HPCAL1: variants seen among roughly 807,000 people sequenced by gnomAD.
HPCAL1 encodes hippocalcin like 1.
A neutral mutation model predicts 17.1 loss-of-function variants in HPCAL1; 8 were observed. The ratio of observed to expected loss-of-function variants is 0.47; its 90% CI spans 0.27 to 0.84. The LOEUF (loss-of-function observed/expected upper bound fraction) is 0.84, where lower values mean the gene tolerates loss of function less well. Among genes scored for constraint, HPCAL1 ranks in the 40% least tolerant of loss-of-function variants. The probability of loss-of-function intolerance (pLI) is 0.13; values close to 1 mark genes in which losing one functional copy is unlikely to be tolerated. For missense variants in HPCAL1, 165 were observed against 271.1 expected (o/e 0.61, Z 2.75); for synonymous variants, 112 against 111.4 (o/e 1.01, Z -0.03).
intron 1 of HPCAL1, among the ~76,000 whole-genome samples, chr2:10,324,083 C>T (rs925248360): frequency 1.4e-4 from 21 of 152,186 alleles, no homozygotes; most frequent in African/African-American, 5.1e-4. Flanking sequence ...TGCTGTTTTC[C>T]AGGGTCCCAC....
intron 2 of HPCAL1, among the ~76,000 whole-genome samples, chr2:10,404,669 G>A (rs1669865390): frequency 6.6e-6 from 1 of 152,172 alleles, no homozygotes; most frequent in Non-Finnish European, 1.5e-5. Context: ...GGCAGTTCTT[G>A]CATCTTGGAC....
At chr2:10,408,742 T>C (rs1274634922) in intron 2 of HPCAL1, 1 of 152,204 alleles carries the variant, frequency 6.6e-6, no homozygotes, top group Non-Finnish European at 1.5e-5. Flanking sequence ...CAGGTAATTA[T>C]GAAATACAAA....
intron 2 of HPCAL1, among the ~76,000 whole-genome samples, chr2:10,402,043 G>A (rs941435850): frequency 1.7e-4 from 26 of 152,188 alleles, no homozygotes; most frequent in Non-Finnish European, 2.6e-4. Context: ...GGGATTACAG[G>A]CGCGCACCAC....
chr2:10,379,180 T>G (rs928629513), intron 1 of HPCAL1, among the ~76,000 whole-genome samples: 1 of 151,812 alleles, frequency 6.6e-6, no homozygotes, highest in Non-Finnish European at 1.5e-5. Context: ...AATATAAAAA[T>G]TTGTCCACCT....
rs1666950440 is a variant in HPCAL1, at chr2:10,367,985, T to G, written c.-110-28850T>G. Among the ~76,000 whole-genome samples, 3 of 151,468 alleles carry G rather than the reference T, an allele frequency of 2.0e-5. 1 individual carries two copies. The South Asian group carries it at 6.3e-4, about 32-fold the overall frequency. ...GTGTGTGCATGTGTGTATATACCTG[T>G]GTAGGTGTGTATGTGTGTACATGTG... On this transcript the variant is annotated intron_variant, in intron 1 of 4. Transcript: ENST00000307845. The surrounding 1 kb of genome is among the most constrained non-coding windows in gnomAD (Gnocchi z 4.4).
chr2:10,375,418 A>G (rs1473060054), intron 1 of HPCAL1, among the ~76,000 whole-genome samples: 1 of 152,098 alleles, frequency 6.6e-6, no homozygotes, highest in Non-Finnish European at 1.5e-5. Context: ...TCAGCTGCGG[A>G]GCAACAGCTC....
chr2:10,374,341 A>T (rs1377642855), intron 1 of HPCAL1, among the ~76,000 whole-genome samples: 1 of 151,018 alleles, frequency 6.6e-6, no homozygotes, highest in Non-Finnish European at 1.5e-5. Flanking sequence ...TCGCCTTCTC[A>T]CACAGTCACA....
rs1665190532 is a variant in HPCAL1 at position 10,342,953 on chromosome 2, ATG to A, written c.-111+39777_-111+39778del. Reference sequence around the variant, plus strand: ...TGCTCCCTGGGGCCTGGCTTTGGAGATGGCCAGTGCTGGTTTGAAGCTTCTGT... The same window carrying A: ...TGCTCCCTGGGGCCTGGCTTTGGAGAGCCAGTGCTGGTTTGAAGCTTCTGT... On this transcript the variant is annotated intron_variant, in intron 1 of 4. Coordinates refer to ENST00000307845, the MANE Select transcript of HPCAL1 (RefSeq NM_002149.4). This position sits in a 1 kb window ranked among gnomAD's most constrained non-coding sequence, Gnocchi z 4.1. Among the ~76,000 whole-genome samples, 2 of 151,996 alleles carry A rather than the reference ATG, an allele frequency of 1.3e-5. No homozygotes were observed. Among genetic ancestry groups the A allele is most frequent in the Non-Finnish European group, 2.9e-5 (2 of 68,008 alleles).
At chr2:10,418,466 AAAAAAC>A (rs1372099778) in intron 2 of HPCAL1, among the ~76,000 whole-genome samples, 3 of 151,056 alleles carry the variant, frequency 2.0e-5, no homozygotes, top group Non-Finnish European at 4.4e-5. Context: ...AAAAAAAAAA[AAAAAAC>A]AACCCTGGGA....
chr2:10,371,335 C>T (rs1667192172), intron 1 of HPCAL1, among the ~76,000 whole-genome samples: 1 of 150,346 alleles, frequency 6.7e-6, no homozygotes, highest in Non-Finnish European at 1.5e-5. Flanking sequence ...CGTCTTTTAC[C>T]CTCTTCTGGC....
chr2:10,317,666 C>T (rs1460432188), intron 1 of HPCAL1, among the ~76,000 whole-genome samples: 1 of 152,224 alleles, frequency 6.6e-6, no homozygotes, highest in Non-Finnish European at 1.5e-5. Flanking sequence ...GATCCACCCA[C>T]CTTGGCTTCC....
At chr2:10,353,611 AGGCTGGAGTGCAGTGACATGATCAG>A (rs2125468917) in intron 1 of HPCAL1, among the ~76,000 whole-genome samples, 1 of 152,346 alleles carries the variant, frequency 6.6e-6, no homozygotes, top group African/African-American at 2.4e-5. Context: ...TCTCTCACCC[AGGCTGGAGTGCAGTGACATGATCAG>A]GGCTCACTGC....
chr2:10,415,458 G>T (rs1670600663), intron 2 of HPCAL1, among the ~76,000 whole-genome samples: 1 of 152,110 alleles, frequency 6.6e-6, no homozygotes, highest in African/African-American at 2.4e-5. Context: ...CAGTTTGGGG[G>T]TTCTCTGGGG....
At position 10,304,701 on chromosome 2, in the gene HPCAL1, C is replaced by T. The variant is rs1662506581; in HGVS notation, c.-111+1524C>T. Among the ~76,000 whole-genome samples the T allele has an allele frequency of 6.6e-6, 1 of 152,254 alleles. No individual in the cohort carries two copies. The highest frequency in any genetic ancestry group is 6.5e-5 in the Admixed American group (1 of 15,288). The stretch of plus-strand genomic sequence containing the variant: ...CGCCTCGGCGCTGGCTCGGACGCAG[C>T]AAGGCCAGCTCTAGGGGTCGGGTGG... On this transcript the variant is annotated intron_variant, in intron 1 of 4. Coordinates refer to ENST00000307845, the MANE Select transcript of HPCAL1 (RefSeq NM_002149.4). The surrounding 1 kb of genome is among the most constrained non-coding windows in gnomAD (Gnocchi z 4.1).
chr2:10,332,785 G>T lies in HPCAL1; in HGVS notation c.-111+29608G>T, dbSNP rs115048831. ...GGGATTCTTGCCAAAGGCAGGGGGG[G>T]ACTTTGATGTCAAAGGTGGGGATGA... On this transcript the variant is annotated intron_variant, in intron 1 of 4. Coordinates refer to ENST00000307845, the MANE Select transcript of HPCAL1 (RefSeq NM_002149.4). Among the ~76,000 whole-genome samples, 515 of 152,220 alleles carry T rather than the reference G, an allele frequency of 3.4e-3. 5 individuals carry two copies. Among genetic ancestry groups the T allele is most frequent in the African/African-American group, 0.012 (492 of 41,526 alleles).
rs755013365 is a variant in HPCAL1 at position 10,420,061 on chromosome 2, A to G, written c.304A>G (p.Lys102Glu). 1.2e-6 allele frequency: 2 copies of G among 1,613,798 alleles called. No individual in the cohort carries two copies. Among genetic ancestry groups the G allele is most frequent in the Non-Finnish European group, 1.7e-6 (2 of 1,180,006 alleles). Residue 102 changes from lysine to glutamate, a missense_variant, in exon 3 of 5, where the codon AAG becomes GAG. Lys to Glu is a moderately conservative substitution (Grantham distance 56). Transcript: ENST00000307845. ...TSRGKLEQKL[K>E]WAFSMYDLDG... The stretch of plus-strand genomic sequence containing the variant: ...GCGGGGCAAGCTGGAGCAGAAGCTC[A>G]AGTGGGCCTTCAGCATGTACGACCT...
At chr2:10,399,264 A>ACCACCACCATCACCATCATCACCG (rs1669308254) in intron 2 of HPCAL1, among the ~76,000 whole-genome samples, 1 of 141,966 alleles carries the variant, frequency 7.0e-6, no homozygotes, top group African/African-American at 2.8e-5. Context: ...CACCACCATC[A>ACCACCACCATCACCATCATCACCG]CCACCACCAC....
chr2:10,318,621 G>C (rs1452515395), intron 1 of HPCAL1, among the ~76,000 whole-genome samples: 2 of 152,116 alleles, frequency 1.3e-5, no homozygotes, highest in African/African-American at 4.8e-5. Flanking sequence ...GGGTGGGCTC[G>C]GTTTTCTAGT....
chr2:10,336,846 G>C (rs1475986841), intron 1 of HPCAL1, among the ~76,000 whole-genome samples: 2 of 152,210 alleles, frequency 1.3e-5, no homozygotes, highest in Non-Finnish European at 2.9e-5. Flanking sequence ...ATGGGCACAA[G>C]TGGTCCTCCT....
Sources: gnomAD v4.1 joint callset for allele counts (sites outside exome capture counted in the v4.1 genomes callset) on GRCh38, gnomAD v4.1.1 for gene constraint, Gnocchi (gnomAD v3.1) non-coding constraint, MANE v1.5 for transcripts, NCBI Gene and HGNC (gene_info 2026-07-23, HGNC 2026-07-21) for gene names.